The following DACH1 variants were observed in gnomAD, a reference collection of about 807,000 sequenced individuals.
DACH1 encodes the protein dachshund homolog 1.
DACH1 carries 12 observed loss-of-function variants against 54.2 expected under a neutral mutation model. The observed-to-expected ratio is 0.22, with a 90% CI of 0.14 to 0.36. DACH1 has a LOEUF of 0.36. Ranked by LOEUF, DACH1 falls within the 10% of genes least tolerant of loss-of-function variation. DACH1 has a pLI of 1.00. For missense variants in DACH1, 805 were observed against 929.8 expected, an observed-to-expected ratio of 0.87 and a Z score of 1.75; for synonymous variants, 386 against 366.2, an observed-to-expected ratio of 1.05 and a Z score of -0.62.
chr13:71,516,580 G>T (rs545877403), intron 6 of DACH1, among the ~76,000 whole-genome samples: 2 of 151,784 alleles, frequency 1.3e-5, no homozygotes, highest in Non-Finnish European at 2.9e-5. Context: ...TTTAGAAAAA[G>T]AAGATGGTAT....
intron 1 of DACH1, among the ~76,000 whole-genome samples, chr13:71,808,088 C>A (rs1887580803): frequency 6.6e-6 from 1 of 152,120 alleles, no homozygotes; most frequent in Admixed American, 6.6e-5. Context: ...ACATCACCAC[C>A]CAACCTGGAC....
At chr13:71,715,382 T>C (rs190265771) in intron 1 of DACH1, among the ~76,000 whole-genome samples, 5 of 152,202 alleles carry the variant, frequency 3.3e-5, no homozygotes, top group African/African-American at 1.2e-4. Flanking sequence ...GAAGCTAATA[T>C]TAGCATAGAG....
intron 3 of DACH1, among the ~76,000 whole-genome samples, chr13:71,584,684 A>AAAATC (rs1873104297): frequency 6.6e-6 from 1 of 152,124 alleles, no homozygotes; most frequent in Non-Finnish European, 1.5e-5. Context: ...ATATTTTTTG[A>AAAATC]AAATCATTTA....
At chr13:71,712,721 TC>T (rs1270775436) in intron 1 of DACH1, among the ~76,000 whole-genome samples, 1 of 152,006 alleles carries the variant, frequency 6.6e-6, no homozygotes, top group African/African-American at 2.4e-5. Flanking sequence ...AGTTTACATT[TC>T]CCCCCTTAAT....
chr13:71,637,210 A>C (rs1877553839), intron 2 of DACH1, among the ~76,000 whole-genome samples: 1 of 152,092 alleles, frequency 6.6e-6, no homozygotes. Context: ...CCATGCTTCA[A>C]AATTTTCATC....
At chr13:71,791,000 T>C (rs1460974569) in intron 1 of DACH1, among the ~76,000 whole-genome samples, 1 of 152,190 alleles carries the variant, frequency 6.6e-6, no homozygotes, top group African/African-American at 2.4e-5. Context: ...GGTCTTCAAA[T>C]GATCCACTAT....
chr13:71,686,094 G>T (rs939449577), intron 1 of DACH1, among the ~76,000 whole-genome samples: 1 of 152,156 alleles, frequency 6.6e-6, no homozygotes, highest in African/African-American at 2.4e-5. Context: ...AGAGCAAGCT[G>T]AACTCTCCTA....
Position 71,620,283 on chromosome 13 carries a change from A to T in DACH1, c.1126+10273T>A, listed in dbSNP as rs1396934958. On this transcript the variant is annotated intron_variant, in intron 3 of 10. Coordinates refer to ENST00000613252, the MANE Select transcript of DACH1 (RefSeq NM_080759.6). The stretch of plus-strand genomic sequence containing the variant: ...CACAAGTTCAGCACTTAAACTATAG[A>T]GAGATGAAGAAACACTAAACTATTT... Among the ~76,000 whole-genome samples, 12 of 152,006 alleles carry T rather than the reference A, an allele frequency of 7.9e-5. 1 individual carries two copies. The highest frequency in any genetic ancestry group is 7.9e-4 in the Admixed American group (12 of 15,216).
At chr13:71,789,239 C>T (rs1886733378) in intron 1 of DACH1, among the ~76,000 whole-genome samples, 1 of 151,926 alleles carries the variant, frequency 6.6e-6, no homozygotes, top group African/African-American at 2.4e-5. Flanking sequence ...TAGGAAGAAA[C>T]TAGAAGATTT....
At chr13:71,689,365 TG>T (rs1188938468) in intron 1 of DACH1, among the ~76,000 whole-genome samples, 1 of 152,170 alleles carries the variant, frequency 6.6e-6, no homozygotes, top group Non-Finnish European at 1.5e-5. Context: ...AGTTGAATAC[TG>T]AGCAATGTAA....
chr13:71,839,495 T>C (rs1211876755), intron 1 of DACH1, among the ~76,000 whole-genome samples: 1 of 152,074 alleles, frequency 6.6e-6, no homozygotes, highest in African/African-American at 2.4e-5. Flanking sequence ...TAGTCCCAGC[T>C]ACTCGGGAGG....
chr13:71,712,412 A>G (rs1882762626), intron 1 of DACH1, among the ~76,000 whole-genome samples: 1 of 152,132 alleles, frequency 6.6e-6, no homozygotes, highest in African/African-American at 2.4e-5. Context: ...TAAAATAAGA[A>G]TAGCTTCAGC....
intron 10 of DACH1, among the ~76,000 whole-genome samples, chr13:71,468,894 G>T (rs1957698969): frequency 6.6e-6 from 1 of 152,150 alleles, no homozygotes; most frequent in South Asian, 2.1e-4. Context: ...AATGGCTGAT[G>T]AAAAAGTAAA....
chr13:71,682,156 A>T (rs564557509), intron 1 of DACH1, among the ~76,000 whole-genome samples: 1 of 152,190 alleles, frequency 6.6e-6, no homozygotes, highest in Admixed American at 6.5e-5. Flanking sequence ...CTTCATATTA[A>T]TATCTATACA....
At chr13:71,610,244 G>A (rs188316646) in intron 3 of DACH1, among the ~76,000 whole-genome samples, 2 of 152,220 alleles carry the variant, frequency 1.3e-5, no homozygotes, top group African/African-American at 2.4e-5. Flanking sequence ...TATTAAATGA[G>A]AACTGGACAC....
intron 3 of DACH1, among the ~76,000 whole-genome samples, chr13:71,602,999 G>A (rs550146849): frequency 1.3e-5 from 2 of 151,884 alleles, no homozygotes; most frequent in South Asian, 2.1e-4. Flanking sequence ...ATTCAATTAC[G>A]TTGCTTTCTT....
intron 2 of DACH1, among the ~76,000 whole-genome samples, chr13:71,673,998 A>C (rs1010229729): frequency 6.6e-6 from 1 of 152,208 alleles, no homozygotes; most frequent in Admixed American, 6.5e-5. Context: ...TAGAAGCTAC[A>C]TTAACACACC....
rs1036270757 is a variant in DACH1 at position 71,503,741 on chromosome 13, A to G, written c.1571-14593T>C. On this transcript the variant is annotated intron_variant, in intron 6 of 10. Transcript: ENST00000613252. ...CGGCAGAGTGTCCAAGCAAATGTTC[A>G]TAAGCTTCTTGTCAGGAATATTACG... is the stretch of plus-strand genomic sequence containing the variant. Among the ~76,000 whole-genome samples the G allele has an allele frequency of 1.2e-4, 19 of 152,352 alleles. No homozygotes were observed. In the Middle Eastern group the frequency reaches 0.01, roughly 82 times the overall value.
chr13:71,772,603 A>G (rs945460669), intron 1 of DACH1, among the ~76,000 whole-genome samples: 7 of 151,798 alleles, frequency 4.6e-5, no homozygotes, highest in African/African-American at 1.7e-4. Flanking sequence ...CAAGTGCAGA[A>G]CATGCTTTTT....
Sources: allele counts gnomAD v4.1 joint callset (sites outside exome capture counted in the v4.1 genomes callset), GRCh38; gene constraint gnomAD v4.1.1; transcripts MANE v1.5; gene names NCBI Gene and HGNC (gene_info 2026-07-23, HGNC 2026-07-21).